Variants in HBS1L observed in about 807,000 individuals in gnomAD.
The protein encoded by HBS1L is HBS1-like protein.
A neutral mutation model predicts 88.9 loss-of-function variants in HBS1L; 55 were observed. That is an observed-to-expected ratio of 0.62 (90% confidence interval 0.50 to 0.77). The LOEUF (loss-of-function observed/expected upper bound fraction) is 0.77. HBS1L is among the 30% of genes least tolerant of loss of function. The probability of loss-of-function intolerance (pLI) is 0.00; values close to 1 mark genes in which losing one functional copy is unlikely to be tolerated. For synonymous variants in HBS1L, 267 were observed against 288.5 expected (o/e 0.93, Z 0.76); for missense variants, 741 against 829.3 (o/e 0.89, Z 1.31).
rs112465963 is a variant in HBS1L at position 134,964,523 on chromosome 6, G to T, written c.*756C>A. 6.6e-6 allele frequency: 1 copy of T among 152,122 alleles called. No homozygotes were observed. Among genetic ancestry groups the T allele is most frequent in the African/African-American group, 2.4e-5 (1 of 41,428 alleles). The allele number at this position is 152,122 out of a possible 1,614,324, so 9.4% of individuals were successfully genotyped here. A position where few individuals can be genotyped will look rare whatever the true frequency, so the allele number is the denominator to read the frequency against. ...AGGATAAAAAAGAATTCATGTGACAGAGCTAGGAAACTCTTAGGTGAAAAA... is the reference window on the plus strand; with the variant it reads ...AGGATAAAAAAGAATTCATGTGACATAGCTAGGAAACTCTTAGGTGAAAAA... On this transcript the variant is annotated 3_prime_UTR_variant, in exon 18 of 18. Transcript: ENST00000367837.
chr6:135,006,926 G>A lies in HBS1L; in HGVS notation c.431-4084C>T, dbSNP rs557865328. ...AAAGAAGAGGAAAAAAAAACATAGA[G>A]CATGAAAATGTCTCAATCCAGCCTT... On this transcript the variant is annotated intron_variant, in intron 4 of 17. Coordinates refer to ENST00000367837, the MANE Select transcript of HBS1L (RefSeq NM_006620.4). Among the ~76,000 whole-genome samples, 25 of 152,202 alleles carry A rather than the reference G, an allele frequency of 1.6e-4. No individual in the cohort carries two copies. The South Asian group carries it at 4.6e-3, about 28-fold the overall frequency.
At chr6:135,040,619 G>A (rs2045803124) in intron 3 of HBS1L, among the ~76,000 whole-genome samples, 1 of 151,640 alleles carries the variant, frequency 6.6e-6, no homozygotes, top group African/African-American at 2.4e-5. Context: ...CAAAGTGCTG[G>A]GATTACAAGC....
intron 4 of HBS1L, among the ~76,000 whole-genome samples, chr6:135,028,335 A>C (rs1368010667): frequency 6.6e-6 from 1 of 152,072 alleles, no homozygotes; most frequent in Non-Finnish European, 1.5e-5. Context: ...GAAAATGAGA[A>C]TAGAGAAGTA....
At position 134,982,483 on chromosome 6, in the gene HBS1L, A is replaced by G. The variant is rs1774857849; in HGVS notation, c.1572T>C (p.Pro524=). Residue 524 remains proline (P), a synonymous_variant, in exon 13 of 18, where the codon CCT becomes CCC. Transcript: ENST00000367837. Reference sequence around the variant, plus strand: ...CTTTCACGGTACAAGTTTCATTAGGAGGCATTGCCAGTAGTCGGTCACCAG... The same window carrying G: ...CTTTCACGGTACAAGTTTCATTAGGGGGCATTGCCAGTAGTCGGTCACCAG... ...IQTGDRLLAM[P]PNETCTVKGI... The G allele has an allele frequency of 1.2e-6, 2 of 1,607,404 alleles. No individual in the cohort carries two copies. The highest frequency in any genetic ancestry group is 1.7e-5 in the Admixed American group (1 of 59,842).
intron 4 of HBS1L, among the ~76,000 whole-genome samples, chr6:135,006,791 G>T (rs1775625448): frequency 6.6e-6 from 1 of 152,160 alleles, no homozygotes; most frequent in Non-Finnish European, 1.5e-5. Flanking sequence ...GCATGATGAT[G>T]ATGACGATGA....
In HBS1L at chr6:135,042,031, A is replaced by G. The variant is rs566014369; in HGVS notation, c.205T>C (p.Ser69Pro). 35 of 1,613,626 alleles carry G rather than the reference A, an allele frequency of 2.2e-5. No homozygotes were observed. The African/African-American group carries it at 3.7e-4, about 17-fold the overall frequency. The change falls in exon 3 of 18, where the codon TCA becomes CCA. Residue 69 changes from serine to proline, a missense_variant. Coordinates refer to ENST00000367837, the MANE Select transcript of HBS1L (RefSeq NM_006620.4). ...TCAAATCCACTGAGCTGATGGTTTG[A>G]AACAGAATTGGAAGATTCTTTCAGA... is the stretch of plus-strand genomic sequence containing the variant. ...EDLKESSNSV[S>P]NHQLSGFDQA...
At chr6:135,011,799 G>C (rs144062393) in intron 4 of HBS1L, among the ~76,000 whole-genome samples, 258 of 151,614 alleles carry the variant, frequency 1.7e-3, no homozygotes, top group Middle Eastern at 6.9e-3. Flanking sequence ...TCAGCTACTC[G>C]GGAGGCTGAG....
intron 15 of HBS1L, among the ~76,000 whole-genome samples, chr6:134,974,243 G>A (rs1774577545): frequency 1.3e-5 from 2 of 151,994 alleles, no homozygotes; most frequent in South Asian, 4.1e-4. Context: ...ATCAAGCAGT[G>A]AGAATAAATC....
intron 4 of HBS1L, among the ~76,000 whole-genome samples, chr6:135,008,575 T>G (rs144913540): frequency 5.3e-5 from 8 of 152,184 alleles, no homozygotes; most frequent in African/African-American, 9.7e-5. Flanking sequence ...AAGATCTAAA[T>G]AGATTCTAGG....
chr6:135,016,427 G>A (rs1775923976), intron 4 of HBS1L, among the ~76,000 whole-genome samples: 1 of 152,068 alleles, frequency 6.6e-6, no homozygotes, highest in Admixed American at 6.6e-5. Context: ...ACTTCCAATG[G>A]GGAACCTGAA....
chr6:134,994,247 G>C (rs1033178952), intron 7 of HBS1L, among the ~76,000 whole-genome samples: 2 of 151,916 alleles, frequency 1.3e-5, no homozygotes, highest in African/African-American at 4.8e-5. Context: ...CGACCGAGAG[G>C]TAATTTTCTT....
intron 12 of HBS1L, among the ~76,000 whole-genome samples, chr6:134,984,345 G>A (rs536078075): frequency 6.6e-6 from 1 of 152,158 alleles, no homozygotes; most frequent in African/African-American, 2.4e-5. Flanking sequence ...CTGGGCTAGG[G>A]CCGCAGATAT....
In HBS1L at chr6:135,042,050, T is replaced by C; in HGVS notation, c.186A>G (p.Lys62=). 1 of 1,613,216 alleles carries C rather than the reference T, an allele frequency of 6.2e-7. No individual in the cohort carries two copies. Residue 62 remains lysine (K), a synonymous_variant, in exon 3 of 18, where the codon AAA becomes AAG. Coordinates refer to ENST00000367837, the MANE Select transcript of HBS1L (RefSeq NM_006620.4). ...GGTTTGAAACAGAATTGGAAGATTC[T>C]TTCAGATCTTCATAATCATATTCTT... ...PVEEYDYEDL[K]ESSNSVSNHQ...
intron 4 of HBS1L, among the ~76,000 whole-genome samples, chr6:135,034,536 C>CG (rs956963515): frequency 2.6e-5 from 4 of 152,040 alleles, no homozygotes; most frequent in African/African-American, 9.7e-5. Flanking sequence ...CCCAGCTACT[C>CG]GGGGGGCTGA....
At chr6:135,015,293 C>T (rs1192389374) in intron 4 of HBS1L, among the ~76,000 whole-genome samples, 1 of 152,200 alleles carries the variant, frequency 6.6e-6, no homozygotes, top group African/African-American at 2.4e-5. Flanking sequence ...ACATATCATA[C>T]AGTTGGAGAG....
intron 11 of HBS1L, 39 bp downstream of exon 11, chr6:134,986,027 G>T: frequency 2.4e-6 from 2 of 842,988 alleles, no homozygotes. Context: ...TTAATACCAA[G>T]TTTATAATGC....
At chr6:135,004,802 G>T (rs771642286) in intron 4 of HBS1L, among the ~76,000 whole-genome samples, 1 of 152,200 alleles carries the variant, frequency 6.6e-6, no homozygotes, top group Non-Finnish European at 1.5e-5. Context: ...TGAACATGTT[G>T]GTTGACCTCA....
intron 7 of HBS1L, 60 bp downstream of exon 7, chr6:134,996,715 TAC>T: frequency 4.1e-6 from 5 of 1,204,908 alleles, no homozygotes; most frequent in East Asian, 2.5e-5. Context: ...CAACACATAT[TAC>T]ACACTTATTT....
In HBS1L at chr6:135,054,792, G is replaced by A. The variant is rs55913774; in HGVS notation, c.-101C>T. On this transcript the variant is annotated 5_prime_UTR_variant, in exon 1 of 18. Coordinates refer to ENST00000367837, the MANE Select transcript of HBS1L (RefSeq NM_006620.4). ...ACTGCAGCCTGGAGAACCCCTATGC[G>A]CCATCTTGGCTTCCCGCAGGCCTCT... 2.6e-3 allele frequency: 3,723 copies of A among 1,410,344 alleles called. 4 individuals are homozygous for A. Among genetic ancestry groups the A allele is most frequent in the Non-Finnish European group, 3.2e-3 (3,262 of 1,016,044 alleles). 87.4% of individuals were successfully genotyped at this position (1,410,344 alleles called of 1,614,324 possible).
Sources: gnomAD v4.1 joint callset for allele counts (sites outside exome capture counted in the v4.1 genomes callset) on GRCh38, gnomAD v4.1.1 for gene constraint, MANE v1.5 for transcripts, NCBI Gene and HGNC (gene_info 2026-07-23, HGNC 2026-07-21) for gene names.